The following MUC5B variants were observed in gnomAD, a reference collection of about 807,000 sequenced individuals.
The protein encoded by MUC5B is mucin 5B, oligomeric mucus/gel-forming.
MUC5B carries 116 observed loss-of-function variants against 376.9 expected under a neutral mutation model. The observed-to-expected ratio is 0.31, with a 90% confidence interval of 0.26 to 0.36. MUC5B has a LOEUF of 0.36. Among genes scored for constraint, MUC5B ranks in the 10% least tolerant of loss-of-function variants. MUC5B has a pLI of 1.00. For missense variants in MUC5B, 7,165 were observed against 7,769.9 expected (o/e 0.92, Z 2.93); for synonymous variants, 3,517 against 3,390.9 (o/e 1.04, Z -1.29).
Position 1,246,302 on chromosome 11 carries a change from C to A in MUC5B, c.9422C>A (p.Ala3141Glu). 2 of 1,601,346 alleles carry A rather than the reference C, an allele frequency of 1.2e-6. No individual in the cohort carries two copies. Among genetic ancestry groups the A allele is most frequent in the Non-Finnish European group, 1.7e-6 (2 of 1,171,750 alleles). ...TTWILTELTT[A>E]ATTTAATGPT... ...TGGATCCTCACAGAGCTGACCACAG[C>A]AGCCACTACAACTGCAGCCACTGGC... Residue 3141 changes from alanine to glutamate, a missense_variant, in exon 31 of 49, where the codon GCA (alanine) becomes GAA (glutamate). Around this residue, in one of 31 missense-constraint regions of MUC5B, gnomAD observed 939 missense variants for 770.6 expected, o/e 1.22. Coordinates refer to ENST00000529681, the MANE Select transcript of MUC5B (RefSeq NM_002458.3).
chr11:1,234,275 C>G lies in MUC5B; in HGVS notation c.2448C>G (p.Leu816=). ...CGGGCACCCCTGGGGCCGAGTGCCT[C>G]CGGAGCTGCCACACGCTGGACGTGG... ...SSAGTPGAEC[L]RSCHTLDVGC... Residue 816 remains leucine, a synonymous_variant, in exon 20 of 49, where the codon CTC becomes CTG. Coordinates refer to ENST00000529681, the MANE Select transcript of MUC5B (RefSeq NM_002458.3). The surrounding 1 kb of genome is among the most constrained non-coding windows in gnomAD (Gnocchi z 6.3). 6.2e-7 allele frequency: 1 copy of G among 1,606,840 alleles called. No individual in the cohort carries two copies. The highest frequency in any genetic ancestry group is 2.2e-5 in the East Asian group (1 of 44,754).
chr11:1,254,315 C>A lies in MUC5B; in HGVS notation c.15441C>A (p.Leu5147=). Reference sequence around the variant, plus strand: ...ACTACAAGTCCATGGATATCGTCCTCACTGTCACCATGGTGCATGGGAAGG... The same window carrying A: ...ACTACAAGTCCATGGATATCGTCCTAACTGTCACCATGGTGCATGGGAAGG... ...SIHYKSMDIV[L]TVTMVHGKEE... is the part of the protein sequence containing the mutation. Residue 5147 remains leucine (L), a synonymous_variant, in exon 34 of 49, where the codon CTC becomes CTA. Coordinates refer to ENST00000529681, the MANE Select transcript of MUC5B (RefSeq NM_002458.3). 1 of 1,607,054 alleles carries A rather than the reference C, an allele frequency of 6.2e-7. No homozygotes were observed. Among genetic ancestry groups the A allele is most frequent in the East Asian group, 2.2e-5 (1 of 44,886 alleles).
chr11:1,228,724 C>A lies in MUC5B; in HGVS notation c.935C>A (p.Ala312Glu). ...GAATACTCACGCCAGTGCGCCCACG[C>A]GGGGGGCCAGCCGCGGAACTGGAGG... The part of the protein sequence containing the change: ...FVEYSRQCAH[A>E]GGQPRNWRCP... Residue 312 changes from alanine to glutamate, a missense_variant, in exon 8 of 49, where the codon GCG (alanine) becomes GAG (glutamate). This residue lies in a region of MUC5B where 640 missense variants were observed against 733.0 expected (regional missense o/e 0.87). Transcript: ENST00000529681. The A allele has an allele frequency of 1.3e-6, 2 of 1,524,046 alleles. No homozygotes were observed. Among genetic ancestry groups the A allele is most frequent in the Non-Finnish European group, 1.8e-6 (2 of 1,138,270 alleles). 94.4% of individuals were successfully genotyped at this position (1,524,046 alleles called of 1,614,324 possible).
chr11:1,234,639 C>T lies in MUC5B; in HGVS notation c.2589C>T (p.Thr863=), dbSNP rs376087270. 13 of 1,550,776 alleles carry T rather than the reference C, an allele frequency of 8.4e-6. No homozygotes were observed. The African/African-American group carries it at 1.7e-4, about 20-fold the overall frequency. Reference sequence around the variant, plus strand: ...GCCCCTGTGTGCACAACGAGGCCACCTACAAGCCTGGAGAGACCATCAGGG... The same window carrying T: ...GCCCCTGTGTGCACAACGAGGCCACTTACAAGCCTGGAGAGACCATCAGGG... The part of the protein sequence containing the change: ...EDCPCVHNEA[T]YKPGETIRVD... The change falls in exon 21 of 49, where the codon ACC becomes ACT. Residue 863 remains threonine, a synonymous_variant. Transcript: ENST00000529681. This position sits in a 1 kb window ranked among gnomAD's most constrained non-coding sequence, Gnocchi z 6.3.
In MUC5B at chr11:1,253,114, G is replaced by A. The variant is rs1243537448; in HGVS notation, c.15217+134G>A. On this transcript the variant is annotated intron_variant, in intron 33 of 48. Coordinates refer to ENST00000529681, the MANE Select transcript of MUC5B (RefSeq NM_002458.3). The surrounding 1 kb of genome is among the most constrained non-coding windows in gnomAD (Gnocchi z 4.3). ...GGAATGGTGGGGCATGGTGGGGCAT[G>A]GTGGGGTGCAGTGGGGCATGGTGGG... 1 of 973,660 alleles carries A rather than the reference G, an allele frequency of 1.0e-6. No individual in the cohort carries two copies. The highest frequency in any genetic ancestry group is 1.6e-5 in the African/African-American group (1 of 61,688). The allele number at this position is 973,660 out of a possible 1,614,324, so 60.3% of individuals were successfully genotyped here.
Position 1,253,821 on chromosome 11 carries a change from A to G in MUC5B, c.15218-271A>G, listed in dbSNP as rs118152153. ...TGAGGGCCCACCCAGCTAGTCCACGATGATGTCATTTCAAGATGCTTCCCT... is the reference window on the plus strand; with the variant it reads ...TGAGGGCCCACCCAGCTAGTCCACGGTGATGTCATTTCAAGATGCTTCCCT... On this transcript the variant is annotated intron_variant, in intron 33 of 48. Coordinates refer to ENST00000529681, the MANE Select transcript of MUC5B (RefSeq NM_002458.3). This position sits in a 1 kb window ranked among gnomAD's most constrained non-coding sequence, Gnocchi z 4.3. 0.025 allele frequency among the ~76,000 whole-genome samples: 3,806 copies of G among 152,316 alleles called. 63 individuals are homozygous for G. Among genetic ancestry groups the G allele is most frequent in the Non-Finnish European group, 0.033 (2,228 of 68,020 alleles).
At chr11:1,251,854 C>T in intron 31 of MUC5B, 111 bp downstream of exon 31, 1 of 820,106 alleles carries the variant, frequency 1.2e-6, no homozygotes, top group Non-Finnish European at 1.9e-6. Context: ...TGTTTGTTCC[C>T]CACTGGCCTC....
In MUC5B at chr11:1,240,282, G is replaced by A. The variant is rs1590175908; in HGVS notation, c.3877G>A (p.Gly1293Ser). The A allele has an allele frequency of 3.1e-6, 5 of 1,613,650 alleles. No individual in the cohort carries two copies. The highest frequency in any genetic ancestry group is 2.2e-5 in the South Asian group (2 of 91,084). Residue 1293 changes from glycine to serine, a missense_variant, in exon 30 of 49, where the codon GGC (glycine) becomes AGC (serine). By Grantham distance (56) the Gly-to-Ser change is moderately conservative (BLOSUM62 0). Transcript: ENST00000529681. ...CTTGATCGCCATCTGCGGAAGCAACGGCACCATCATCAGGAAGGCTGTGGC... is the reference window on the plus strand; with the variant it reads ...CTTGATCGCCATCTGCGGAAGCAACAGCACCATCATCAGGAAGGCTGTGGC... ...ACLIAICGSNGTIIRKAVACP... is the reference protein window; with the variant it reads ...ACLIAICGSNSTIIRKAVACP...
In MUC5B at chr11:1,252,490, C is replaced by T. The variant is rs374519512; in HGVS notation, c.15011C>T (p.Ala5004Val). ...SSAPLSSPSP[A>V]PGCDNAIPLR... ...GCCCCGCTGTCCTCGCCCTCCCCTG[C>T]CCCTGGCTGTGACAATGCCATCCCT... The change falls in exon 32 of 49, where the codon GCC becomes GTC. Residue 5004 changes from alanine (A) to valine (V), a missense_variant. This residue lies in a region of MUC5B where 730 missense variants were observed against 592.7 expected (regional missense o/e 1.23). Transcript: ENST00000529681. 1 of 1,575,600 alleles carries T rather than the reference C, an allele frequency of 6.3e-7. No individual in the cohort carries two copies.
chr11:1,252,604 C>G (rs948719963), intron 32 of MUC5B, 80 bp downstream of exon 32: 1 of 1,417,086 alleles, frequency 7.1e-7, no homozygotes, highest in Non-Finnish European at 9.3e-7. Context: ...CAGTCCAGCT[C>G]CCGAGGCCCG....
rs1862108834 is a variant in MUC5B at position 1,234,358 on chromosome 11, C to T, written c.2478+53C>T. 1 of 1,533,404 alleles carries T rather than the reference C, an allele frequency of 6.5e-7. No homozygotes were observed. The allele number at this position is 1,533,404 out of a possible 1,614,324, so 95.0% of individuals were successfully genotyped here. On this transcript the variant is annotated intron_variant, in intron 20 of 48. Coordinates refer to ENST00000529681, the MANE Select transcript of MUC5B (RefSeq NM_002458.3). The surrounding 1 kb of genome is among the most constrained non-coding windows in gnomAD (Gnocchi z 6.3). ...GGCAGGGAAGGGGTCCCAGCTTTCC[C>T]AGCTCCCGAGCCCAGGGATCTGGTG...
At position 1,254,198 on chromosome 11, in the gene MUC5B, C is replaced by G. The variant is rs756988226; in HGVS notation, c.15324C>G (p.Arg5108=). Residue 5108 remains arginine, a synonymous_variant, in exon 34 of 49, where the codon CGC becomes CGG. Coordinates refer to ENST00000529681, the MANE Select transcript of MUC5B (RefSeq NM_002458.3). ...TCCTCATGAGAGAGATCCATGCACG[C>G]TTTGGGAATCTCAGCCTCTACCTGG... ...TYVLMREIHA[R]FGNLSLYLDN... 3.1e-6 allele frequency: 5 copies of G among 1,612,882 alleles called. No individual in the cohort carries two copies. In the Admixed American group the frequency reaches 8.3e-5, roughly 27 times the overall value.
In MUC5B at chr11:1,249,040, G is replaced by A; in HGVS notation, c.12160G>A (p.Ala4054Thr). The A allele has an allele frequency of 6.2e-7, 1 of 1,609,844 alleles. No homozygotes were observed. The highest frequency in any genetic ancestry group is 8.5e-7 in the Non-Finnish European group (1 of 1,179,196). ...PSTGTSHTPAATTGTTQHSTP... is the reference protein window; with the variant it reads ...PSTGTSHTPATTTGTTQHSTP... ...CACGGGGACTTCCCACACCCCAGCA[G>A]CAACCACCGGTACCACCCAGCACTC... Residue 4054 changes from alanine (A) to threonine (T), a missense_variant, in exon 31 of 49, where the codon GCA becomes ACA. By Grantham distance (58) the Ala-to-Thr change is moderately conservative (BLOSUM62 0). This residue lies in a region of MUC5B where 85 missense variants were observed against 78.2 expected (regional missense o/e 1.09). Transcript: ENST00000529681.
rs1326710921 is a variant in MUC5B at position 1,234,758 on chromosome 11, AGGGAGGGCAGGGGGCG to A, written c.2630+94_2630+109del. The A allele has an allele frequency of 1.8e-3, 106 of 59,146 alleles. 3 individuals carry two copies. The highest frequency in any genetic ancestry group is 5.0e-3 in the Middle Eastern group (1 of 202). 3.7% of individuals were successfully genotyped at this position (59,146 alleles called of 1,614,324 possible). ...GGCAGCGGGTGGGGAGGCAGCGGGC[AGGGAGGGCAGGGGGCG>A]GGGAGGGCAGGGGGCCAGCTGGCCA... On this transcript the variant is annotated intron_variant, in intron 21 of 48. Coordinates refer to ENST00000529681, the MANE Select transcript of MUC5B (RefSeq NM_002458.3). The surrounding 1 kb of genome is among the most constrained non-coding windows in gnomAD (Gnocchi z 6.3).
In MUC5B at chr11:1,231,079, G is replaced by A. The variant is rs145770563; in HGVS notation, c.1540+74G>A. ...GGGCAGCTCCCACAGCCTGGGCAGCGTCCGCTCCATCCCTGCTAGTTCTCC... is the reference window on the plus strand; with the variant it reads ...GGGCAGCTCCCACAGCCTGGGCAGCATCCGCTCCATCCCTGCTAGTTCTCC... On this transcript the variant is annotated intron_variant, in intron 13 of 48. Transcript: ENST00000529681. 1,375 of 1,425,856 alleles carry A rather than the reference G, an allele frequency of 9.6e-4. 23 individuals carry two copies. In the African/African-American group the frequency reaches 0.017, roughly 18 times the overall value. The allele number at this position is 1,425,856 out of a possible 1,614,324, so 88.3% of individuals were successfully genotyped here.
Position 1,261,753 on chromosome 11 carries a change from G to A in MUC5B, c.*145G>A. ...TCCGTGCTCCTGCTGCCCACCCCGT[G>A]GGTGAAACCGGCCCCAGAAGGGTGA... On this transcript the variant is annotated 3_prime_UTR_variant, in exon 49 of 49. Transcript: ENST00000529681. 1 of 830,858 alleles carries A rather than the reference G, an allele frequency of 1.2e-6. No homozygotes were observed. Among genetic ancestry groups the A allele is most frequent in the Non-Finnish European group, 2.0e-6 (1 of 503,426 alleles). The allele number at this position is 830,858 out of a possible 1,614,324, so 51.5% of individuals were successfully genotyped here.
rs926258657 is a variant in MUC5B, at chr11:1,226,256, C to T, written c.179C>T (p.Thr60Ile). The change falls in exon 3 of 49, where the codon ACT becomes ATT. Residue 60 changes from threonine (T) to isoleucine (I), a missense_variant. By Grantham distance (89) the Thr-to-Ile change is moderately conservative. Coordinates refer to ENST00000529681, the MANE Select transcript of MUC5B (RefSeq NM_002458.3). ...CGCGTGAGCTTTGTTCCACCCGTCA[C>T]TGTCTTCCCCAGCCTGAGCCGTAAG... is the stretch of plus-strand genomic sequence containing the variant. ...TRRVSFVPPV[T>I]VFPSLSPLNP... is the part of the protein sequence containing the mutation. 12 of 1,556,696 alleles carry T rather than the reference C, an allele frequency of 7.7e-6. No homozygotes were observed. The highest frequency in any genetic ancestry group is 1.0e-5 in the Non-Finnish European group (12 of 1,151,778).
chr11:1,227,277 TGA>T, intron 5 of MUC5B, 29 bp from the exon 6 acceptor site: 3 of 1,595,686 alleles, frequency 1.9e-6, no homozygotes, highest in African/African-American at 1.3e-5. Flanking sequence ...TCAGAGGTCC[TGA>T]GGCTGGAGCT....
At chr11:1,229,516 A>T (rs1861972391) in intron 9 of MUC5B, among the ~76,000 whole-genome samples, 174 bp from the exon 10 acceptor site, 1 of 152,104 alleles carries the variant, frequency 6.6e-6, no homozygotes, top group South Asian at 2.1e-4. Context: ...TGGTGGGGAA[A>T]CTGAGGCCCA....
Sources: allele counts gnomAD v4.1 joint callset (sites outside exome capture counted in the v4.1 genomes callset), GRCh38; gene constraint gnomAD v4.1.1; regional missense constraint gnomAD v4.1.1; non-coding constraint Gnocchi (gnomAD v3.1); transcripts MANE v1.5; gene names NCBI Gene and HGNC (gene_info 2026-07-23, HGNC 2026-07-21).